ANXA8: variants seen among roughly 807,000 people sequenced by gnomAD.
ANXA8 encodes annexin A8, also known as VAC-beta.
A neutral mutation model predicts 26.8 loss-of-function variants in ANXA8; 9 were observed. The observed-to-expected ratio is 0.34, with a 90% CI of 0.20 to 0.59. ANXA8 has a LOEUF of 0.59. Among genes scored for constraint, ANXA8 ranks in the 20% least tolerant of loss-of-function variants. The pLI is 0.84. For missense variants in ANXA8, 83 were observed against 238.5 expected, an observed-to-expected ratio of 0.35 and a Z score of 4.29; for synonymous variants, 39 against 94.8, an observed-to-expected ratio of 0.41 and a Z score of 3.42.
chr10:47,565,911 TG>T, the ANXA8 span: 1 of 1,451,828 alleles, frequency 6.9e-7, no homozygotes, highest in Non-Finnish European at 9.0e-7. Flanking sequence ...AGCTGCCAGA[TG>T]GAGTTCGAGG....
the ANXA8 span, among the ~76,000 whole-genome samples, chr10:47,639,499 G>A: frequency 6.6e-6 from 1 of 152,286 alleles, no homozygotes; most frequent in Admixed American, 6.5e-5. Context: ...TGTGTTTTTA[G>A]TAGAGACGGG....
chr10:47,744,574 G>T, the ANXA8 span, among the ~76,000 whole-genome samples: 1 of 151,556 alleles, frequency 6.6e-6, no homozygotes. Flanking sequence ...TACAAGTGGA[G>T]AGGGGCAGGT....
the ANXA8 span, among the ~76,000 whole-genome samples, chr10:47,665,959 G>A: frequency 6.6e-6 from 1 of 151,916 alleles, no homozygotes; most frequent in African/African-American, 2.4e-5. Flanking sequence ...TTAATGTATA[G>A]CTGGTAGAAA....
Position 47,483,049 on chromosome 10 carries a change from G to A in ANXA8, c.21+864C>T, listed in dbSNP as rs1240507515. On this transcript the variant is annotated intron_variant, in intron 1 of 11. Coordinates refer to ENST00000585281, the MANE Select transcript of ANXA8 (RefSeq NM_001040084.3). Reference sequence around the variant, plus strand: ...AAAAGGGTGTGCAGAGCCGGCAGCCGGGAGATGTCACCTCTGTCCCCTTCT... The same window carrying A: ...AAAAGGGTGTGCAGAGCCGGCAGCCAGGAGATGTCACCTCTGTCCCCTTCT... Among the ~76,000 whole-genome samples the A allele has an allele frequency of 3.4e-3, 517 of 150,262 alleles. 2 individuals are homozygous for A. Among genetic ancestry groups the A allele is most frequent in the African/African-American group, 0.012 (476 of 40,698 alleles).
At chr10:47,900,447 G>T in the ANXA8 span, among the ~76,000 whole-genome samples, 1 of 144,262 alleles carries the variant, frequency 6.9e-6, no homozygotes, top group Admixed American at 6.9e-5. Context: ...TTTTGGGGAA[G>T]TTTGTCAATG....
At chr10:47,704,874 A>G in the ANXA8 span, among the ~76,000 whole-genome samples, 17 of 152,058 alleles carry the variant, frequency 1.1e-4, 1 homozygote, top group African/African-American at 4.1e-4. Context: ...AAAGAATGAA[A>G]TAAACATACT....
the ANXA8 span, chr10:47,985,461 T>C: frequency 5.6e-4 from 66 of 116,844 alleles, 2 homozygotes; most frequent in African/African-American, 2.0e-3. Flanking sequence ...CCTGGGCTTT[T>C]ATCAGAGAAA....
the ANXA8 span, among the ~76,000 whole-genome samples, chr10:47,969,135 T>C: frequency 6.6e-6 from 1 of 150,642 alleles, no homozygotes; most frequent in African/African-American, 2.4e-5. Context: ...GGAGAGGAAG[T>C]TGTGAGAGAG....
At chr10:47,484,538 C>G, upstream of ANXA8, 1 of 1,473,918 alleles carries the variant, frequency 6.8e-7, no homozygotes, top group South Asian at 1.3e-5. Flanking sequence ...CCTTATACAG[C>G]ATGCCATACT....
the ANXA8 span, among the ~76,000 whole-genome samples, chr10:47,645,741 A>G: frequency 6.7e-6 from 1 of 150,270 alleles, no homozygotes; most frequent in South Asian, 2.1e-4. Context: ...TTGAATAGGT[A>G]GACTGAGTGA....
the ANXA8 span, among the ~76,000 whole-genome samples, chr10:47,926,193 G>C: frequency 5.3e-5 from 2 of 37,438 alleles, 1 homozygote. Context: ...ACCACACCCA[G>C]CTATTTTTTT....
At chr10:47,525,666 C>T in the ANXA8 span, among the ~76,000 whole-genome samples, 149 of 133,938 alleles carry the variant, frequency 1.1e-3, 23 homozygotes, top group African/African-American at 3.7e-3. Context: ...TATTTTGAGA[C>T]GAAGTTTTGC....
the ANXA8 span, among the ~76,000 whole-genome samples, chr10:47,589,896 A>AGGTAGAT: frequency 3.2e-3 from 407 of 128,506 alleles, 17 homozygotes; most frequent in African/African-American, 0.015. Flanking sequence ...GGGGAAAGAT[A>AGGTAGAT]GATAGATGAT....
chr10:47,778,893 C>T, the ANXA8 span, among the ~76,000 whole-genome samples: 2 of 121,094 alleles, frequency 1.7e-5, no homozygotes, highest in Non-Finnish European at 3.4e-5. Context: ...CGGATTTCTG[C>T]CTACATTATG....
At chr10:47,915,087 T>C in the ANXA8 span, among the ~76,000 whole-genome samples, 1 of 152,142 alleles carries the variant, frequency 6.6e-6, no homozygotes, top group Non-Finnish European at 1.5e-5. Flanking sequence ...TTCCGGGAGC[T>C]AGCTATATGT....
At chr10:47,748,261 T>A in the ANXA8 span, among the ~76,000 whole-genome samples, 1 of 142,718 alleles carries the variant, frequency 7.0e-6, no homozygotes, top group African/African-American at 2.6e-5. Context: ...CAGGCTGGAG[T>A]ACGGTGGCGC....
chr10:47,732,732 T>G, the ANXA8 span, among the ~76,000 whole-genome samples: 1 of 149,102 alleles, frequency 6.7e-6, no homozygotes, highest in South Asian at 2.1e-4. Context: ...CATCTTTTTT[T>G]TTTTTTTGGT....
the ANXA8 span, among the ~76,000 whole-genome samples, chr10:47,704,807 A>G: frequency 6.6e-6 from 1 of 152,082 alleles, no homozygotes; most frequent in Non-Finnish European, 1.5e-5. Context: ...TAATAAATGT[A>G]ACAAAGTATG....
At chr10:47,687,960 C>T in the ANXA8 span, among the ~76,000 whole-genome samples, 11 of 151,740 alleles carry the variant, frequency 7.2e-5, no homozygotes, top group South Asian at 6.2e-4. Flanking sequence ...ATTAGCTGGG[C>T]GTGGTGGTAG....
Sources: allele counts gnomAD v4.1 joint callset (sites outside exome capture counted in the v4.1 genomes callset), GRCh38; gene constraint gnomAD v4.1.1; transcripts MANE v1.5; gene names NCBI Gene and HGNC (gene_info 2026-07-23, HGNC 2026-07-21).